UBE2L3: variants seen among roughly 807,000 people sequenced by gnomAD.
UBE2L3 encodes the protein ubiquitin conjugating enzyme E2 L3, also known as ubiquitin-conjugating enzyme E2 L3.
In UBE2L3, 1 loss-of-function variant was observed where a neutral mutation model predicts 17.8. That is an observed-to-expected ratio of 0.06 (90% CI 0.02 to 0.27). UBE2L3 has a LOEUF of 0.27. Among genes scored for constraint, UBE2L3 ranks in the 10% least tolerant of loss-of-function variants. UBE2L3 has a pLI of 1.00. For missense variants in UBE2L3, 40 were observed against 192.6 expected, an observed-to-expected ratio of 0.21 and a Z score of 4.69; for synonymous variants, 44 against 68.5, an observed-to-expected ratio of 0.64 and a Z score of 1.76.
chr22:21,593,400 C>T (rs1477469036), intron 2 of UBE2L3, among the ~76,000 whole-genome samples: 1 of 152,146 alleles, frequency 6.6e-6, no homozygotes, highest in African/African-American at 2.4e-5. Context: ...TGGTCCCCTC[C>T]AACCTGTGCC....
At chr22:21,603,807 A>G (rs895436234) in intron 2 of UBE2L3, among the ~76,000 whole-genome samples, 4 of 149,948 alleles carry the variant, frequency 2.7e-5, no homozygotes, top group African/African-American at 1.0e-4. Context: ...ACTGCACTCC[A>G]GCCTGGGCGA....
chr22:21,574,449 C>T (rs373899655), intron 1 of UBE2L3, among the ~76,000 whole-genome samples: 11 of 152,222 alleles, frequency 7.2e-5, no homozygotes, highest in Non-Finnish European at 5.9e-5. Context: ...TTGGGAATAA[C>T]CAAGACATGT....
In UBE2L3 at chr22:21,608,873, C is replaced by T. The variant is rs571401797; in HGVS notation, c.124-1984C>T. 4.3e-4 allele frequency among the ~76,000 whole-genome samples: 64 copies of T among 150,054 alleles called. 1 individual carries two copies. In the South Asian group the frequency reaches 7.6e-3, roughly 18 times the overall value. On this transcript the variant is annotated intron_variant, in intron 2 of 3. Coordinates refer to ENST00000342192, the MANE Select transcript of UBE2L3 (RefSeq NM_003347.4). ...CTCAGATTACAGACATGAGTCACTG[C>T]TCCTGGCCCAGTTTGGCAGTTTTGT... is the stretch of plus-strand genomic sequence containing the variant.
At chr22:21,581,812 A>G (rs1337886172) in intron 1 of UBE2L3, among the ~76,000 whole-genome samples, 1 of 144,530 alleles carries the variant, frequency 6.9e-6, no homozygotes, top group African/African-American at 2.8e-5. Flanking sequence ...AAAAAAAAAG[A>G]AAAAAAAATT....
In UBE2L3 at chr22:21,599,051, A is replaced by G. The variant is rs1248392462; in HGVS notation, c.123+6095A>G. On this transcript the variant is annotated intron_variant, in intron 2 of 3. Coordinates refer to ENST00000342192, the MANE Select transcript of UBE2L3 (RefSeq NM_003347.4). ...GACACAGGGTTTCGCCATGTTGGCC[A>G]GGCTGGTCTTGAACTCCTGGCCTCT... Among the ~76,000 whole-genome samples the G allele has an allele frequency of 2.6e-5, 4 of 152,148 alleles. No individual in the cohort carries two copies. In the East Asian group the frequency reaches 7.7e-4, roughly 29 times the overall value.
intron 1 of UBE2L3, among the ~76,000 whole-genome samples, chr22:21,560,446 A>AT (rs59968738): frequency 0.018 from 2,225 of 125,876 alleles, 3 homozygotes; most frequent in Non-Finnish European, 0.027. Context: ...CTTTAGATCT[A>AT]TTTTTTTTTT....
At chr22:21,565,840 G>A (rs1057055439), upstream of UBE2L3, among the ~76,000 whole-genome samples, 1 of 146,140 alleles carries the variant, frequency 6.8e-6, no homozygotes, top group African/African-American at 2.5e-5. Context: ...TCTTCTCTCT[G>A]CATTGCTACC....
intron 2 of UBE2L3, among the ~76,000 whole-genome samples, chr22:21,600,339 CA>C (rs940472339): frequency 2.6e-5 from 4 of 151,780 alleles, no homozygotes; most frequent in African/African-American, 7.3e-5. Flanking sequence ...ACAAAACAAA[CA>C]AAAAAACTTA....
upstream of UBE2L3, among the ~76,000 whole-genome samples, chr22:21,562,740 C>T (rs1328204377): frequency 2.1e-5 from 3 of 144,300 alleles, no homozygotes; most frequent in Non-Finnish European, 4.5e-5. Context: ...CTCCTGACCT[C>T]GTGATCCACC....
intron 1 of UBE2L3, among the ~76,000 whole-genome samples, chr22:21,556,103 T>C (rs2148388211): frequency 6.6e-6 from 1 of 152,360 alleles, no homozygotes; most frequent in Admixed American, 6.5e-5. Flanking sequence ...TGGTGGTGCA[T>C]GCCTGTACTC....
Position 21,622,126 on chromosome 22 carries a change from C to T in UBE2L3, c.*457C>T, listed in dbSNP as rs1245576489. 1 of 163,224 alleles carries T rather than the reference C, an allele frequency of 6.1e-6. No individual in the cohort carries two copies. The highest frequency in any genetic ancestry group is 1.8e-4 in the East Asian group (1 of 5,434). The allele number at this position is 163,224 out of a possible 1,614,324, so 10.1% of individuals were successfully genotyped here. On this transcript the variant is annotated 3_prime_UTR_variant, in exon 4 of 4. Coordinates refer to ENST00000342192, the MANE Select transcript of UBE2L3 (RefSeq NM_003347.4). ...GCCTCCACAAAGGAGAAGAGACTGC[C>T]CTGGCGGTCCTGGTGGCTTTTCTTA...
In UBE2L3 at chr22:21,616,221, C is replaced by T. The variant is rs1048605318; in HGVS notation, c.310+5178C>T. On this transcript the variant is annotated intron_variant, in intron 3 of 3. Transcript: ENST00000342192. ...GCAAGTTTATAGAACATAAGCACTA[C>T]AGATAAAATTCAGCTGTATATGGGA... is the stretch of plus-strand genomic sequence containing the variant. Among the ~76,000 whole-genome samples the T allele has an allele frequency of 1.8e-4, 27 of 152,266 alleles. 1 individual carries two copies. The highest frequency in any genetic ancestry group is 5.5e-4 in the African/African-American group (23 of 41,552).
At chr22:21,566,300 C>T (rs1926633439), upstream of UBE2L3, among the ~76,000 whole-genome samples, 1 of 151,898 alleles carries the variant, frequency 6.6e-6, no homozygotes. Context: ...ACATGCGTCT[C>T]AGCCCAGGTG....
chr22:21,592,837 C>G (rs182804123), intron 1 of UBE2L3, 24 bp from the exon 2 acceptor site: 1 of 1,580,248 alleles, frequency 6.3e-7, no homozygotes, highest in East Asian at 2.2e-5. Flanking sequence ...ATTTGACACC[C>G]CTTTATGCTT....
At chr22:21,574,897 A>G (rs1024312700) in intron 1 of UBE2L3, among the ~76,000 whole-genome samples, 2 of 151,978 alleles carry the variant, frequency 1.3e-5, no homozygotes, top group Admixed American at 6.6e-5. Flanking sequence ...CCTGAGAGGC[A>G]GAGGTTGCAG....
At chr22:21,575,560 G>T (rs1234902483) in intron 1 of UBE2L3, among the ~76,000 whole-genome samples, 1 of 144,820 alleles carries the variant, frequency 6.9e-6, no homozygotes, top group Non-Finnish European at 1.5e-5. Flanking sequence ...CTGCGCTCCA[G>T]CCTGGGTGAT....
intron 1 of UBE2L3, among the ~76,000 whole-genome samples, chr22:21,582,923 C>A (rs140477700): frequency 6.6e-6 from 1 of 152,106 alleles, no homozygotes; most frequent in South Asian, 2.1e-4. Flanking sequence ...GAGGCTGATG[C>A]AATAAGCAGG....
chr22:21,616,224 A>G (rs1230924154), intron 3 of UBE2L3, among the ~76,000 whole-genome samples: 1 of 152,210 alleles, frequency 6.6e-6, no homozygotes, highest in Non-Finnish European at 1.5e-5. Context: ...AGCACTACAG[A>G]TAAAATTCAG....
chr22:21,572,825 C>T (rs1202372417), intron 1 of UBE2L3, among the ~76,000 whole-genome samples: 3 of 152,312 alleles, frequency 2.0e-5, no homozygotes, highest in Non-Finnish European at 4.4e-5. Context: ...TGCATCTCCT[C>T]CTGTCCCACC....
Sources: gnomAD v4.1 joint callset for allele counts (sites outside exome capture counted in the v4.1 genomes callset) on GRCh38, gnomAD v4.1.1 for gene constraint, MANE v1.5 for transcripts, NCBI Gene and HGNC (gene_info 2026-07-23, HGNC 2026-07-21) for gene names.